ZNF556: variants seen among roughly 807,000 people sequenced by gnomAD.
The protein encoded by ZNF556 is zinc finger protein 556.
ZNF556 carries 11 observed loss-of-function variants against 13.6 expected under a neutral mutation model. The observed-to-expected ratio is 0.81, with a 90% CI of 0.51 to 1.33. The LOEUF (loss-of-function observed/expected upper bound fraction) is 1.33, where lower values mean the gene tolerates loss of function less well. Ranked by LOEUF, ZNF556 falls within the 40% of genes most tolerant of loss-of-function variation. The pLI is 0.00. For synonymous variants in ZNF556, 229 were observed against 207.8 expected (o/e 1.10, Z -0.88); for missense variants, 633 against 566.2 (o/e 1.12, Z -1.20).
In ZNF556 at chr19:2,880,562, G is replaced by T. The variant is rs893840587; in HGVS notation, c.*2233G>T. On this transcript the variant is annotated 3_prime_UTR_variant, in exon 4 of 4. Transcript: ENST00000307635. ...AGGCGGGCAGATCATGAGGTCAAGA[G>T]ATCGAGACCATCCTGGCTAACACGG... 3.3e-5 allele frequency: 5 copies of T among 152,216 alleles called. No homozygotes were observed. Among genetic ancestry groups the T allele is most frequent in the African/African-American group, 1.2e-4 (5 of 41,430 alleles). The allele number at this position is 152,216 out of a possible 1,614,324, so 9.4% of individuals were successfully genotyped here. A position where few individuals can be genotyped will look rare whatever the true frequency, so the allele number is the denominator to read the frequency against.
Position 2,882,720 on chromosome 19 carries a change from A to G in ZNF556, c.*4391A>G, listed in dbSNP as rs1049347273. 2 of 151,598 alleles carry G rather than the reference A, an allele frequency of 1.3e-5. No homozygotes were observed. Among genetic ancestry groups the G allele is most frequent in the Admixed American group, 1.3e-4 (2 of 15,214 alleles). The allele number at this position is 151,598 out of a possible 1,614,324, so 9.4% of individuals were successfully genotyped here. A position where few individuals can be genotyped will look rare whatever the true frequency, so the allele number is the denominator to read the frequency against. On this transcript the variant is annotated 3_prime_UTR_variant, in exon 4 of 4. Transcript: ENST00000307635. ...CAGGCGTGCCCCGCCACGCCCAGCTAATTTTTTGTATTTTTAGTACAGGTG... is the reference window on the plus strand; with the variant it reads ...CAGGCGTGCCCCGCCACGCCCAGCTGATTTTTTGTATTTTTAGTACAGGTG...
At chr19:2,870,441 G>C (rs2087792572) in intron 1 of ZNF556, among the ~76,000 whole-genome samples, 1 of 151,240 alleles carries the variant, frequency 6.6e-6, no homozygotes, top group African/African-American at 2.4e-5. Flanking sequence ...AGCAGAGTGA[G>C]ACCTTGTCTC....
intron 2 of ZNF556, among the ~76,000 whole-genome samples, chr19:2,874,741 CT>C (rs1356398334): frequency 2.0e-5 from 1 of 48,962 alleles, no homozygotes; most frequent in Admixed American, 2.8e-4. Context: ...AAGACTCTGT[CT>C]CAAAAAAAAA....
chr19:2,876,311 C>G, intron 3 of ZNF556, 35 bp downstream of exon 3: 1 of 1,539,184 alleles, frequency 6.5e-7, no homozygotes, highest in Non-Finnish European at 8.7e-7. Context: ...GCAGTATCGC[C>G]AGGCACGGTG....
At chr19:2,870,079 AC>A (rs1466775393) in intron 1 of ZNF556, among the ~76,000 whole-genome samples, 2 of 152,084 alleles carry the variant, frequency 1.3e-5, no homozygotes, top group Admixed American at 1.3e-4. Flanking sequence ...TTCATTGTAT[AC>A]TACATTCGCC....
chr19:2,880,094 A>G lies in ZNF556; in HGVS notation c.*1765A>G, dbSNP rs1304896756. ...AGGGGATTGTTTCCCTACTGCATCT[A>G]CTGTGACCTAGTATTCTTCGTGAGA... On this transcript the variant is annotated 3_prime_UTR_variant, in exon 4 of 4. Transcript: ENST00000307635. The G allele has an allele frequency of 6.6e-6, 1 of 152,208 alleles. No homozygotes were observed. The highest frequency in any genetic ancestry group is 1.5e-5 in the Non-Finnish European group (1 of 68,036). The allele number at this position is 152,208 out of a possible 1,614,324, so 9.4% of individuals were successfully genotyped here. A position where few individuals can be genotyped will look rare whatever the true frequency, so the allele number is the denominator to read the frequency against.
intron 2 of ZNF556, 38 bp downstream of exon 2, chr19:2,873,660 A>G (rs1353864532): frequency 3.1e-6 from 5 of 1,596,490 alleles, no homozygotes; most frequent in Non-Finnish European, 4.3e-6. Context: ...GTTATTAGAT[A>G]ATAAATGTTT....
At chr19:2,870,338 A>G (rs2144881864) in intron 1 of ZNF556, among the ~76,000 whole-genome samples, 1 of 152,260 alleles carries the variant, frequency 6.6e-6, no homozygotes, top group South Asian at 2.1e-4. Flanking sequence ...CACACCTGTA[A>G]TCCCAGTTAG....
rs145073298 is a variant in ZNF556, at chr19:2,874,291, G to A, written c.130+669G>A. On this transcript the variant is annotated intron_variant, in intron 2 of 3. Transcript: ENST00000307635. ...ATAAATAAATAAATAAATATTTCTT[G>A]CTCATTAAGCCTATTCTAAGATTTA... Among the ~76,000 whole-genome samples, 11 of 152,054 alleles carry A rather than the reference G, an allele frequency of 7.2e-5. No homozygotes were observed. In the East Asian group the frequency reaches 7.7e-4, roughly 11 times the overall value.
In ZNF556 at chr19:2,878,092, G is replaced by T; in HGVS notation, c.1134G>T (p.Thr378=). 6.2e-7 allele frequency: 1 copy of T among 1,614,124 alleles called. No homozygotes were observed. Among genetic ancestry groups the T allele is most frequent in the Non-Finnish European group, 8.5e-7 (1 of 1,180,014 alleles). Residue 378 remains threonine, a synonymous_variant, in exon 4 of 4, where the codon ACG becomes ACT. Transcript: ENST00000307635. Reference sequence around the variant, plus strand: ...ATAAATGTGAAACGTGTGGGAAAACGTATGGTTGGTCCTCATCTTTACACA... The same window carrying T: ...ATAAATGTGAAACGTGTGGGAAAACTTATGGTTGGTCCTCATCTTTACACA... ...KVYKCETCGK[T]YGWSSSLHKH... is the part of the protein sequence containing the mutation.
At chr19:2,873,069 C>G (rs1039733597) in intron 1 of ZNF556, among the ~76,000 whole-genome samples, 2 of 149,378 alleles carry the variant, frequency 1.3e-5, no homozygotes, top group African/African-American at 2.5e-5. Flanking sequence ...GGAGGCGCAG[C>G]TTGCAGTGAG....
Position 2,882,265 on chromosome 19 carries a change from A to T in ZNF556, c.*3936A>T, listed in dbSNP as rs570896671. On this transcript the variant is annotated 3_prime_UTR_variant, in exon 4 of 4. Coordinates refer to ENST00000307635, the MANE Select transcript of ZNF556 (RefSeq NM_024967.3). ...ACCCGGTGAAACCCTGTCTCTAGTA[A>T]AAAATACAAAAAATTAGCTGGGCGT... The T allele has an allele frequency of 6.6e-6, 1 of 151,818 alleles. No individual in the cohort carries two copies. The highest frequency in any genetic ancestry group is 2.0e-4 in the East Asian group (1 of 5,100). 9.4% of individuals were successfully genotyped at this position (151,818 alleles called of 1,614,324 possible). A position where few individuals can be genotyped will look rare whatever the true frequency, so the allele number is the denominator to read the frequency against.
chr19:2,882,578 CG>C lies in ZNF556; in HGVS notation c.*4251del, dbSNP rs1568356805. On this transcript the variant is annotated 3_prime_UTR_variant, in exon 4 of 4. Coordinates refer to ENST00000307635, the MANE Select transcript of ZNF556 (RefSeq NM_024967.3). ...TGTGTGTGTGTGTGAATGTGTGTGA[CG>C]GAGTTTTGCTCTGTTGCCAGGCTGG... 2 of 99,550 alleles carry C rather than the reference CG, an allele frequency of 2.0e-5. No homozygotes were observed. Among genetic ancestry groups the C allele is most frequent in the African/African-American group, 7.6e-5 (2 of 26,362 alleles). The allele number at this position is 99,550 out of a possible 1,614,324, so 6.2% of individuals were successfully genotyped here.
intron 3 of ZNF556, 27 bp from the exon 4 acceptor site, chr19:2,877,246 C>A (rs2087859992): frequency 1.9e-6 from 3 of 1,548,926 alleles, no homozygotes; most frequent in African/African-American, 2.8e-5. Flanking sequence ...AGGCATAAAC[C>A]ATTAATAATG....
rs1177088686 is a variant in ZNF556 at position 2,883,351 on chromosome 19, A to C, written c.*5022A>C. 1 of 152,190 alleles carries C rather than the reference A, an allele frequency of 6.6e-6. No individual in the cohort carries two copies. Among genetic ancestry groups the C allele is most frequent in the African/African-American group, 2.4e-5 (1 of 41,444 alleles). 9.4% of individuals were successfully genotyped at this position (152,190 alleles called of 1,614,324 possible). Reference sequence around the variant, plus strand: ...AGCCCAAAATGTCCATTTGATTTTCATAGGTATCGTTTCCATATGCTTAGA... The same window carrying C: ...AGCCCAAAATGTCCATTTGATTTTCCTAGGTATCGTTTCCATATGCTTAGA... On this transcript the variant is annotated 3_prime_UTR_variant, in exon 4 of 4. Transcript: ENST00000307635.
intron 1 of ZNF556, among the ~76,000 whole-genome samples, chr19:2,868,603 G>A (rs1330139118): frequency 1.3e-5 from 2 of 152,008 alleles, no homozygotes; most frequent in African/African-American, 4.8e-5. Context: ...TTTTAGTGGA[G>A]ACAGGGTTTT....
intron 1 of ZNF556, among the ~76,000 whole-genome samples, chr19:2,871,019 A>T (rs1207221893): frequency 6.6e-6 from 1 of 150,510 alleles, no homozygotes; most frequent in Non-Finnish European, 1.5e-5. Flanking sequence ...AGCCTAGGTG[A>T]CAGAGCGAGA....
intron 2 of ZNF556, 64 bp from the exon 3 acceptor site, chr19:2,876,029 A>G: frequency 1.5e-6 from 2 of 1,357,342 alleles, no homozygotes; most frequent in Admixed American, 2.4e-5. Flanking sequence ...ACAATTAAAC[A>G]CCTGAATTAC....
rs117029567 is a variant in ZNF556, at chr19:2,869,744, C to T, written c.3+2320C>T. ...TGACACGCCTACTTCTCATCTAGTG[C>T]GGCTTTCGCCTCCTAACTGGTGTCC... On this transcript the variant is annotated intron_variant, in intron 1 of 3. Coordinates refer to ENST00000307635, the MANE Select transcript of ZNF556 (RefSeq NM_024967.3). Among the ~76,000 whole-genome samples, 377 of 152,288 alleles carry T rather than the reference C, an allele frequency of 2.5e-3. 1 individual carries two copies. Among genetic ancestry groups the T allele is most frequent in the Non-Finnish European group, 3.4e-3 (232 of 68,024 alleles).
Sources: allele counts gnomAD v4.1 joint callset (sites outside exome capture counted in the v4.1 genomes callset), GRCh38; gene constraint gnomAD v4.1.1; transcripts MANE v1.5; gene names NCBI Gene and HGNC (gene_info 2026-07-23, HGNC 2026-07-21).